Variants in MAP4K3 observed in about 807,000 individuals in gnomAD.
MAP4K3 encodes mitogen-activated protein kinase kinase kinase kinase 3, also known as MAPK/ERK kinase kinase kinase 3.
In MAP4K3, 94 loss-of-function variants were observed where a neutral mutation model predicts 143.5. That is an observed-to-expected ratio of 0.65 (90% CI 0.55 to 0.78). The LOEUF (loss-of-function observed/expected upper bound fraction) is 0.78, where lower values mean the gene tolerates loss of function less well. Among genes scored for constraint, MAP4K3 ranks in the 30% least tolerant of loss-of-function variants. MAP4K3 has a pLI of 0.00. For synonymous variants in MAP4K3, 416 were observed against 347.2 expected (o/e 1.20, Z -2.20); for missense variants, 1,077 against 1,068.1 (o/e 1.01, Z -0.12).
chr2:39,415,179 A>T (rs1335519954), intron 1 of MAP4K3, among the ~76,000 whole-genome samples: 1 of 152,224 alleles, frequency 6.6e-6, no homozygotes, highest in African/African-American at 2.4e-5. Context: ...ATAGCTCTCA[A>T]AAACAGTTCC....
intron 2 of MAP4K3, among the ~76,000 whole-genome samples, chr2:39,359,604 G>A (rs955251770): frequency 6.6e-6 from 1 of 152,244 alleles, no homozygotes; most frequent in Admixed American, 6.5e-5. Flanking sequence ...TGCCCTAGCA[G>A]AACCACGAGG....
chr2:39,330,756 G>C (rs957355367), intron 8 of MAP4K3, among the ~76,000 whole-genome samples: 4 of 152,160 alleles, frequency 2.6e-5, no homozygotes, highest in Non-Finnish European at 4.4e-5. Context: ...ACTGCAAAAT[G>C]AGGGAAGGTA....
At chr2:39,329,231 G>A (rs925833094) in intron 8 of MAP4K3, among the ~76,000 whole-genome samples, 2 of 152,130 alleles carry the variant, frequency 1.3e-5, no homozygotes, top group African/African-American at 2.4e-5. Context: ...GATTTAATGA[G>A]ATGTTTACAA....
At chr2:39,259,778 GA>G (rs993087885) in intron 29 of MAP4K3, among the ~76,000 whole-genome samples, 2 of 151,900 alleles carry the variant, frequency 1.3e-5, no homozygotes, top group African/African-American at 2.4e-5. Context: ...TTTGTTTGAA[GA>G]AAAAAAGTGC....
At chr2:39,334,966 G>A (rs1003398974) in intron 6 of MAP4K3, among the ~76,000 whole-genome samples, 2 of 152,134 alleles carry the variant, frequency 1.3e-5, no homozygotes, top group African/African-American at 4.8e-5. Flanking sequence ...GGTGAAGTAA[G>A]GGTACAGAGC....
At chr2:39,410,887 T>C (rs1667215370) in intron 1 of MAP4K3, among the ~76,000 whole-genome samples, 1 of 152,218 alleles carries the variant, frequency 6.6e-6, no homozygotes, top group Non-Finnish European at 1.5e-5. Context: ...ATCCTAGAAT[T>C]GTTTTTGTAT....
At chr2:39,365,292 T>C (rs1194617800) in intron 2 of MAP4K3, among the ~76,000 whole-genome samples, 2 of 152,100 alleles carry the variant, frequency 1.3e-5, no homozygotes, top group African/African-American at 2.4e-5. Context: ...ATAATGAGGA[T>C]GTCGGAGTCT....
At chr2:39,322,830 C>T (rs1433997316) in intron 12 of MAP4K3, among the ~76,000 whole-genome samples, 2 of 151,740 alleles carry the variant, frequency 1.3e-5, no homozygotes, top group East Asian at 1.9e-4. Context: ...CCACCATGCC[C>T]GGCTAATTTT....
intron 26 of MAP4K3, among the ~76,000 whole-genome samples, chr2:39,270,890 A>G (rs1057266141): frequency 6.6e-6 from 1 of 152,190 alleles, no homozygotes; most frequent in African/African-American, 2.4e-5. Flanking sequence ...TGAGAGAATT[A>G]AAAGATTTTA....
chr2:39,352,616 T>TTTA (rs1665492368), intron 3 of MAP4K3, among the ~76,000 whole-genome samples: 1 of 152,132 alleles, frequency 6.6e-6, no homozygotes, highest in South Asian at 2.1e-4. Context: ...TCTATCTACT[T>TTTA]TTATTGTAGG....
At chr2:39,325,369 G>C (rs1379162564) in intron 12 of MAP4K3, 149 bp downstream of exon 12, 1 of 485,376 alleles carries the variant, frequency 2.1e-6, no homozygotes, top group Non-Finnish European at 3.6e-6. Context: ...GAAAGGCAAA[G>C]ACAAAGAATT....
intron 1 of MAP4K3, among the ~76,000 whole-genome samples, chr2:39,403,157 A>G (rs1666993882): frequency 6.6e-6 from 1 of 152,190 alleles, no homozygotes; most frequent in South Asian, 2.1e-4. Flanking sequence ...AGAAAAATGA[A>G]AAGAATACTT....
At position 39,360,695 on chromosome 2, in the gene MAP4K3, G is replaced by T. The variant is rs141357452; in HGVS notation, c.155-4356C>A. Reference sequence around the variant, plus strand: ...TCAGTAAACTTACAATCATGGCAGAGGGGGAAGCAAACACATCCTTCTTCA... The same window carrying T: ...TCAGTAAACTTACAATCATGGCAGATGGGGAAGCAAACACATCCTTCTTCA... On this transcript the variant is annotated intron_variant, in intron 2 of 33. Coordinates refer to ENST00000263881, the MANE Select transcript of MAP4K3 (RefSeq NM_003618.4). 2.3e-3 allele frequency among the ~76,000 whole-genome samples: 355 copies of T among 152,268 alleles called. 3 individuals carry two copies. Among genetic ancestry groups the T allele is most frequent in the African/African-American group, 8.3e-3 (345 of 41,556 alleles).
intron 19 of MAP4K3, among the ~76,000 whole-genome samples, chr2:39,288,660 C>T (rs967570069): frequency 1.3e-5 from 2 of 152,144 alleles, no homozygotes; most frequent in African/African-American, 4.8e-5. Flanking sequence ...AAGTTCAGCT[C>T]CGTATCAAGG....
chr2:39,405,278 C>T (rs1184712297), intron 1 of MAP4K3, among the ~76,000 whole-genome samples: 1 of 152,148 alleles, frequency 6.6e-6, no homozygotes, highest in Non-Finnish European at 1.5e-5. Flanking sequence ...AAGAGACTGC[C>T]TATGATACAG....
chr2:39,420,529 G>A (rs72931129), intron 1 of MAP4K3, among the ~76,000 whole-genome samples: 10,336 of 151,428 alleles, frequency 0.068, 1,193 homozygotes, highest in African/African-American at 0.24. Flanking sequence ...TGATGTTCCT[G>A]CTTCAGCCTC....
At chr2:39,307,811 TAATA>T in intron 15 of MAP4K3, 128 bp downstream of exon 15, 1 of 528,984 alleles carries the variant, frequency 1.9e-6, no homozygotes, top group Non-Finnish European at 3.1e-6. Context: ...CTACAATTCT[TAATA>T]TATAGAAGTT....
At chr2:39,415,952 C>CT (rs1667357089) in intron 1 of MAP4K3, among the ~76,000 whole-genome samples, 1 of 2,658 alleles carries the variant, frequency 3.8e-4, no homozygotes, top group Admixed American at 6.8e-3. Context: ...GGCTCTGTCT[C>CT]AAAAAAAAAA....
At chr2:39,301,749 C>T (rs1048118781) in intron 15 of MAP4K3, among the ~76,000 whole-genome samples, 10 of 152,144 alleles carry the variant, frequency 6.6e-5, no homozygotes, top group Non-Finnish European at 1.3e-4. Flanking sequence ...ATAGGCCGGG[C>T]GCAGTGGCTC....
Sources: allele counts gnomAD v4.1 joint callset (sites outside exome capture counted in the v4.1 genomes callset), GRCh38; gene constraint gnomAD v4.1.1; transcripts MANE v1.5; gene names NCBI Gene and HGNC (gene_info 2026-07-23, HGNC 2026-07-21).